Variants in SPATA17 observed in about 807,000 individuals in gnomAD.
The protein encoded by SPATA17 is spermatogenesis associated 17, also known as spermatogenesis-associated protein 17.
Under a neutral mutation model 62.2 loss-of-function variants are expected in SPATA17, and 53 were observed. The observed-to-expected ratio is 0.85, with a 90% confidence interval of 0.68 to 1.07. SPATA17 has a LOEUF of 1.07. Among genes scored for constraint, SPATA17 ranks in the 50% least tolerant of loss-of-function variants. SPATA17 has a pLI of 0.00. For missense variants in SPATA17, 466 were observed against 425.5 expected (o/e 1.10, Z -0.84); for synonymous variants, 146 against 146.8 (o/e 0.99, Z 0.04).
At chr1:217,665,799 C>T (rs184975666) in intron 3 of SPATA17, among the ~76,000 whole-genome samples, 13 of 152,218 alleles carry the variant, frequency 8.5e-5, no homozygotes, top group Admixed American at 7.8e-4. Context: ...ATCAACCAGT[C>T]AGAAAATTAA....
chr1:217,796,101 T>C (rs10495076), intron 8 of SPATA17, among the ~76,000 whole-genome samples: 4,779 of 152,250 alleles, frequency 0.031, 107 homozygotes, highest in Middle Eastern at 0.061. Flanking sequence ...GTTCTTTAAG[T>C]GATTTATATA....
chr1:217,742,688 T>G (rs12121856), intron 6 of SPATA17, among the ~76,000 whole-genome samples: 69,761 of 151,982 alleles, frequency 0.46, 17,511 homozygotes, highest in Non-Finnish European at 0.58. Flanking sequence ...AGAATACATG[T>G]CATGTGGAAT....
chr1:217,772,244 C>T (rs1168646118), intron 6 of SPATA17, among the ~76,000 whole-genome samples: 1 of 151,970 alleles, frequency 6.6e-6, no homozygotes, highest in African/African-American at 2.4e-5. Context: ...TTTACCTTGT[C>T]TATATTTACT....
At chr1:217,731,129 C>A (rs896834942) in intron 5 of SPATA17, among the ~76,000 whole-genome samples, 31 of 151,948 alleles carry the variant, frequency 2.0e-4, no homozygotes, top group African/African-American at 7.3e-4. Context: ...CTAATGGTTT[C>A]TTCTCTGCAT....
chr1:217,823,507 T>C (rs573867531), intron 9 of SPATA17, among the ~76,000 whole-genome samples: 1 of 152,094 alleles, frequency 6.6e-6, no homozygotes, highest in African/African-American at 2.4e-5. Context: ...GACTCAGGAC[T>C]CTGTGGACAA....
intron 5 of SPATA17, among the ~76,000 whole-genome samples, chr1:217,732,865 T>C (rs2102942306): frequency 6.6e-6 from 1 of 152,282 alleles, no homozygotes; most frequent in Admixed American, 6.5e-5. Context: ...TTATTTGACA[T>C]CACGCATATA....
In SPATA17 at chr1:217,727,836, G is replaced by A. The variant is rs987176499; in HGVS notation, c.396-14139G>A. Among the ~76,000 whole-genome samples, 3 of 152,220 alleles carry A rather than the reference G, an allele frequency of 2.0e-5. No individual in the cohort carries two copies. In the Middle Eastern group the frequency reaches 0.01, roughly 518 times the overall value. ...CTCACCTACACCAATGAATAGTTTC[G>A]TATCCTTAGTCAAGTTACTTACTAT... On this transcript the variant is annotated intron_variant, in intron 5 of 10. Transcript: ENST00000366933.
chr1:217,681,284 T>C (rs1047410260), intron 4 of SPATA17, among the ~76,000 whole-genome samples: 5 of 152,160 alleles, frequency 3.3e-5, no homozygotes, highest in African/African-American at 1.2e-4. Flanking sequence ...ATTTACTTGT[T>C]CTTGCAAGCT....
chr1:217,758,677 G>A (rs968983147), intron 6 of SPATA17, among the ~76,000 whole-genome samples: 2 of 152,178 alleles, frequency 1.3e-5, no homozygotes, highest in South Asian at 2.1e-4. Context: ...AGAGCCTTGC[G>A]TGATTAACAT....
chr1:217,682,193 A>G (rs576002650), intron 4 of SPATA17, among the ~76,000 whole-genome samples: 183 of 152,190 alleles, frequency 1.2e-3, no homozygotes, highest in Non-Finnish European at 2.2e-3. Flanking sequence ...ATCATATATT[A>G]TTTTGTTTGA....
intron 5 of SPATA17, among the ~76,000 whole-genome samples, chr1:217,729,984 A>C (rs940152142): frequency 3.9e-5 from 6 of 152,336 alleles, no homozygotes; most frequent in African/African-American, 1.4e-4. Flanking sequence ...AATTTCAAGC[A>C]GTTTACAAAG....
chr1:217,864,945 G>A (rs1675977824), intron 10 of SPATA17, among the ~76,000 whole-genome samples: 1 of 151,878 alleles, frequency 6.6e-6, no homozygotes, highest in African/African-American at 2.4e-5. Context: ...GCTCAAATAT[G>A]TTATGGTTTT....
chr1:217,843,982 G>T (rs1675467977), intron 9 of SPATA17, among the ~76,000 whole-genome samples: 2 of 151,934 alleles, frequency 1.3e-5, no homozygotes, highest in Non-Finnish European at 2.9e-5. Context: ...TATTTATCAG[G>T]ATTTTTCCCT....
At chr1:217,720,952 T>C (rs954145232) in intron 5 of SPATA17, among the ~76,000 whole-genome samples, 1 of 152,188 alleles carries the variant, frequency 6.6e-6, no homozygotes, top group Non-Finnish European at 1.5e-5. Flanking sequence ...TCTGTGTAAG[T>C]GTGTATATAT....
Position 217,652,878 on chromosome 1 carries a change from T to A in SPATA17, c.240+1700T>A, listed in dbSNP as rs1236408090. Among the ~76,000 whole-genome samples the A allele has an allele frequency of 3.3e-5, 5 of 152,290 alleles. No individual in the cohort carries two copies. In the East Asian group the frequency reaches 9.7e-4, roughly 29 times the overall value. The stretch of plus-strand genomic sequence containing the variant: ...TGGACCTTGCTTATGTCCCTTGTCT[T>A]TAAAATGAGGATAAGAATGTGTGGG... On this transcript the variant is annotated intron_variant, in intron 3 of 10. Coordinates refer to ENST00000366933, the MANE Select transcript of SPATA17 (RefSeq NM_138796.4).
chr1:217,825,055 T>C (rs1300463858), intron 9 of SPATA17, among the ~76,000 whole-genome samples: 2 of 7,372 alleles, frequency 2.7e-4, no homozygotes, highest in Non-Finnish European at 9.1e-4. Flanking sequence ...CAAATGTATT[T>C]ATTTATATGA....
chr1:217,744,462 C>CA (rs766645844), intron 6 of SPATA17, among the ~76,000 whole-genome samples: 1,242 of 30,374 alleles, frequency 0.041, 235 homozygotes, highest in Non-Finnish European at 0.067. Context: ...GACTCCGTCT[C>CA]AAAAAAAAAA....
At chr1:217,727,247 C>CAAT (rs59885913) in intron 5 of SPATA17, among the ~76,000 whole-genome samples, 10,324 of 132,422 alleles carry the variant, frequency 0.078, 413 homozygotes, top group East Asian at 0.11. Flanking sequence ...AACTCCGTCT[C>CAAT]AATAATAATA....
At chr1:217,654,824 T>A (rs913579380) in intron 3 of SPATA17, among the ~76,000 whole-genome samples, 1 of 151,728 alleles carries the variant, frequency 6.6e-6, no homozygotes, top group African/African-American at 2.4e-5. Flanking sequence ...GCGATTCTCC[T>A]GCCTCAGCCT....
Sources: allele counts gnomAD v4.1 joint callset (sites outside exome capture counted in the v4.1 genomes callset), GRCh38; gene constraint gnomAD v4.1.1; transcripts MANE v1.5; gene names NCBI Gene and HGNC (gene_info 2026-07-23, HGNC 2026-07-21).